MMRN1: variants seen among roughly 807,000 people sequenced by gnomAD.
MMRN1 encodes multimerin 1.
MMRN1 carries 94 observed loss-of-function variants against 100.7 expected under a neutral mutation model. The observed-to-expected ratio is 0.93, with a 90% CI of 0.79 to 1.11. The LOEUF (loss-of-function observed/expected upper bound fraction) is 1.11. MMRN1 is among the 50% of genes least tolerant of loss of function. The pLI is 0.00. For synonymous variants in MMRN1, 575 were observed against 505.0 expected (o/e 1.14, Z -1.86); for missense variants, 1,606 against 1,439.1 (o/e 1.12, Z -1.88).
At chr4:89,934,311 A>G (rs543211072) in intron 5 of MMRN1, among the ~76,000 whole-genome samples, 6 of 152,220 alleles carry the variant, frequency 3.9e-5, no homozygotes, top group Admixed American at 1.3e-4. Context: ...TCCTCATTTG[A>G]GAATATCATT....
chr4:89,924,012 A>G (rs1250287575), intron 4 of MMRN1, among the ~76,000 whole-genome samples: 2 of 152,170 alleles, frequency 1.3e-5, no homozygotes, highest in Non-Finnish European at 2.9e-5. Context: ...AGACCATAAT[A>G]TTCTTGAATT....
chr4:89,917,362 T>G (rs537646568), intron 3 of MMRN1, among the ~76,000 whole-genome samples: 88 of 152,002 alleles, frequency 5.8e-4, no homozygotes, highest in African/African-American at 2.1e-3. Context: ...AATGCTTTTG[T>G]GATTTGTATT....
rs557315473 is a variant in MMRN1 at position 89,920,401 on chromosome 4, C to T, written c.851-2767C>T. Among the ~76,000 whole-genome samples, 9 of 152,216 alleles carry T rather than the reference C, an allele frequency of 5.9e-5. No individual in the cohort carries two copies. In the South Asian group the frequency reaches 1.9e-3, roughly 32 times the overall value. On this transcript the variant is annotated intron_variant, in intron 3 of 7. Coordinates refer to ENST00000264790, the MANE Select transcript of MMRN1 (RefSeq NM_007351.3). ...AGATTTGATTGCTGTGAAGGCAGCA[C>T]AAACACTCTTCATATGTTTCCATGC...
chr4:89,935,988 G>C lies in MMRN1; in HGVS notation c.2308G>C (p.Glu770Gln). 1 of 1,612,920 alleles carries C rather than the reference G, an allele frequency of 6.2e-7. No individual in the cohort carries two copies. Among genetic ancestry groups the C allele is most frequent in the East Asian group, 2.2e-5 (1 of 44,818 alleles). The change falls in exon 6 of 8, where the codon GAA (glutamate) becomes CAA (glutamine). Residue 770 changes from glutamate to glutamine, a missense_variant. Transcript: ENST00000264790. The stretch of plus-strand genomic sequence containing the variant: ...CCATCATAAATGTACCTCCGATATG[G>C]AAACTATTTTGACATTTATTCCTCA... ...EIHHKCTSDM[E>Q]TILTFIPQFH...
At chr4:89,896,405 G>C (rs1721208422) in intron 1 of MMRN1, among the ~76,000 whole-genome samples, 1 of 152,006 alleles carries the variant, frequency 6.6e-6, no homozygotes, top group Non-Finnish European at 1.5e-5. Flanking sequence ...AAATTTAAAG[G>C]AGTGTTGTTA....
chr4:89,936,050 C>T lies in MMRN1; in HGVS notation c.2370C>T (p.Val790=). The T allele has an allele frequency of 1.2e-6, 2 of 1,611,858 alleles. No homozygotes were observed. Among genetic ancestry groups the T allele is most frequent in the Non-Finnish European group, 1.7e-6 (2 of 1,179,264 alleles). Residue 790 remains valine, a synonymous_variant, in exon 6 of 8, where the codon GTC becomes GTT. Transcript: ENST00000264790. ...HRLNDSIQTL[V]NDNQRYNFVL... ...TGAATGATTCTATTCAGACTTTGGT[C>T]AATGACAATCAGAGATATAACTTTG... is the stretch of plus-strand genomic sequence containing the variant.
At chr4:89,926,590 TTTGTTGG>T (rs1269180088) in intron 4 of MMRN1, among the ~76,000 whole-genome samples, 1 of 152,172 alleles carries the variant, frequency 6.6e-6, no homozygotes, top group Non-Finnish European at 1.5e-5. Context: ...GTGTCTTGAC[TTTGTTGG>T]TTGTTTCTTT....
intron 4 of MMRN1, among the ~76,000 whole-genome samples, chr4:89,926,778 G>A (rs1038701043): frequency 6.6e-6 from 1 of 152,094 alleles, no homozygotes; most frequent in Non-Finnish European, 1.5e-5. Context: ...TAGACTTAAA[G>A]AGCTAATCCT....
At chr4:89,939,799 G>A (rs1013584431) in intron 6 of MMRN1, among the ~76,000 whole-genome samples, 1 of 152,120 alleles carries the variant, frequency 6.6e-6, no homozygotes, top group Admixed American at 6.6e-5. Flanking sequence ...TATTTTTAGG[G>A]AGTTTCTTTT....
At chr4:89,949,368 C>A (rs1290302545) in intron 6 of MMRN1, among the ~76,000 whole-genome samples, 1 of 152,152 alleles carries the variant, frequency 6.6e-6, no homozygotes, top group Non-Finnish European at 1.5e-5. Flanking sequence ...TTGATACATT[C>A]CTAGTGAAAC....
In MMRN1 at chr4:89,936,717, G is replaced by A. The variant is rs372333120; in HGVS notation, c.3037G>A (p.Ala1013Thr). ...AAAATCATTGCCAAAGAAAATTAAC[G>A]CACTTAAGAAACCAACGGTAAATCT... Reference protein sequence around the residue: ...QVKSLPKKINALKKPTVNLTT... With the variant: ...QVKSLPKKINTLKKPTVNLTT... The change falls in exon 6 of 8, where the codon GCA becomes ACA. Residue 1013 changes from alanine (A) to threonine (T), a missense_variant. Coordinates refer to ENST00000264790, the MANE Select transcript of MMRN1 (RefSeq NM_007351.3). 28 of 1,613,216 alleles carry A rather than the reference G, an allele frequency of 1.7e-5. No individual in the cohort carries two copies. The highest frequency in any genetic ancestry group is 7.7e-5 in the South Asian group (7 of 91,030).
chr4:89,930,124 G>A (rs1722390535), intron 5 of MMRN1, among the ~76,000 whole-genome samples: 1 of 152,080 alleles, frequency 6.6e-6, no homozygotes, highest in Admixed American at 6.6e-5. Context: ...TTAAAATGAT[G>A]TGCCCACTCA....
At position 89,895,881 on chromosome 4, in the gene MMRN1, C is replaced by A. The variant is rs1721190978; in HGVS notation, c.623+287C>A. 3.3e-5 allele frequency among the ~76,000 whole-genome samples: 5 copies of A among 152,094 alleles called. No individual in the cohort carries two copies. The South Asian group carries it at 1.0e-3, about 31-fold the overall frequency. On this transcript the variant is annotated intron_variant, in intron 1 of 7. Transcript: ENST00000264790. ...ATAGTCATTGCCAAGCAAACTAGCA[C>A]CACGGTGGCTGTTAGTTTAATTCAA...
At chr4:89,932,990 C>T (rs1276943192) in intron 5 of MMRN1, among the ~76,000 whole-genome samples, 1 of 152,046 alleles carries the variant, frequency 6.6e-6, no homozygotes, top group Non-Finnish European at 1.5e-5. Context: ...AACTTTTATG[C>T]TCTGCTTCCC....
chr4:89,942,029 A>G (rs1279255243), intron 6 of MMRN1, among the ~76,000 whole-genome samples: 1 of 152,148 alleles, frequency 6.6e-6, no homozygotes, highest in Non-Finnish European at 1.5e-5. Flanking sequence ...TCCTCAATAA[A>G]GTAGCCAGGC....
chr4:89,904,844 C>A (rs576776438), intron 1 of MMRN1, among the ~76,000 whole-genome samples: 2 of 151,732 alleles, frequency 1.3e-5, no homozygotes, highest in African/African-American at 4.8e-5. Context: ...ACATAGTTTT[C>A]CTCAGGGACT....
chr4:89,909,232 T>C, intron 1 of MMRN1, 44 bp from the exon 2 acceptor site: 2 of 1,555,054 alleles, frequency 1.3e-6, no homozygotes, highest in Non-Finnish European at 1.7e-6. Flanking sequence ...AAAGAATTCT[T>C]TTTTGACAAC....
At chr4:89,881,285 A>G (rs1401984048) in intron 1 of MMRN1, among the ~76,000 whole-genome samples, 1 of 152,152 alleles carries the variant, frequency 6.6e-6, no homozygotes, top group Non-Finnish European at 1.5e-5. Context: ...CTCAAACTAC[A>G]TTTGTAAATT....
At chr4:89,911,883 C>T in intron 2 of MMRN1, 61 bp from the exon 3 acceptor site, 1 of 1,157,702 alleles carries the variant, frequency 8.6e-7, no homozygotes, top group Non-Finnish European at 1.3e-6. Context: ...ATTTATTATT[C>T]CGGCTGATAA....
Sources: allele counts gnomAD v4.1 joint callset (sites outside exome capture counted in the v4.1 genomes callset), GRCh38; gene constraint gnomAD v4.1.1; transcripts MANE v1.5; gene names NCBI Gene and HGNC (gene_info 2026-07-23, HGNC 2026-07-21).